The following KNDC1 variants were observed in gnomAD, a reference collection of about 807,000 sequenced individuals.
KNDC1 encodes the protein kinase non-catalytic C-lobe domain-containing protein 1.
A neutral mutation model predicts 172.8 loss-of-function variants in KNDC1; 106 were observed. That is an observed-to-expected ratio of 0.61 (90% confidence interval 0.52 to 0.72). KNDC1 has a LOEUF of 0.72. KNDC1 is among the 30% of genes least tolerant of loss of function. The pLI is 0.00. For missense variants in KNDC1, 2,325 were observed against 2,394.5 expected, an observed-to-expected ratio of 0.97 and a Z score of 0.61; for synonymous variants, 1,083 against 1,062.2, an observed-to-expected ratio of 1.02 and a Z score of -0.38.
chr10:133,183,292 G>A (rs922370891), intron 3 of KNDC1, 52 bp from the exon 4 acceptor site: 26 of 1,510,468 alleles, frequency 1.7e-5, no homozygotes, highest in Middle Eastern at 2.3e-4. Context: ...GGCCGCGGTC[G>A]GGGTGGCGCA....
In KNDC1 at chr10:133,212,910, G is replaced by A. The variant is rs747518684; in HGVS notation, c.4431G>A (p.Thr1477=). ...CTCACCAGCTCTTCAGCCAGCTCAC[G>A]CTGCTACAGCAGGTGAGGAGGGCGA... ...YSTHQLFSQL[T]LLQQELFQKC... The change falls in exon 24 of 30, where the codon ACG becomes ACA. Residue 1477 remains threonine, a synonymous_variant. Transcript: ENST00000304613. 3.8e-5 allele frequency: 62 copies of A among 1,611,666 alleles called. No homozygotes were observed. Among genetic ancestry groups the A allele is most frequent in the African/African-American group, 9.3e-5 (7 of 74,906 alleles).
chr10:133,211,898 G>A (rs201069006), intron 23 of KNDC1, 40 bp downstream of exon 23: 26 of 1,565,262 alleles, frequency 1.7e-5, no homozygotes, highest in South Asian at 9.4e-5. Flanking sequence ...CTGGACAGGC[G>A]GATGTGGGTC....
intron 17 of KNDC1, among the ~76,000 whole-genome samples, chr10:133,202,861 G>A (rs951496284): frequency 6.6e-6 from 1 of 152,226 alleles, no homozygotes; most frequent in Admixed American, 6.5e-5. Flanking sequence ...CCCCACACAG[G>A]GCCTGAGGGG....
intron 3 of KNDC1, among the ~76,000 whole-genome samples, chr10:133,170,394 G>T (rs1009398954): frequency 2.4e-4 from 37 of 151,802 alleles, no homozygotes; most frequent in African/African-American, 8.2e-4. Flanking sequence ...TCTGGCCTGG[G>T]GTCTGGCTCC....
At chr10:133,183,781 C>A in intron 4 of KNDC1, 91 bp from the exon 5 acceptor site, 1 of 1,053,772 alleles carries the variant, frequency 9.5e-7, no homozygotes, top group Non-Finnish European at 1.4e-6. Context: ...GTCCCCAGGT[C>A]ACCTTCAAAG....
chr10:133,212,225 C>T (rs1463231197), intron 23 of KNDC1, among the ~76,000 whole-genome samples: 1 of 151,724 alleles, frequency 6.6e-6, no homozygotes, highest in Non-Finnish European at 1.5e-5. Context: ...TCCACACCTA[C>T]ACGTGTGCAC....
At position 133,204,177 on chromosome 10, in the gene KNDC1, G is replaced by A. The variant is rs1010496307; in HGVS notation, c.3387+2279G>A. Reference sequence around the variant, plus strand: ...CTCAGAAGCCAGGACCAGGTGCCCCGGCAGCAGAACACAGCTCCATGGGGA... The same window carrying A: ...CTCAGAAGCCAGGACCAGGTGCCCCAGCAGCAGAACACAGCTCCATGGGGA... On this transcript the variant is annotated intron_variant, in intron 17 of 29. Coordinates refer to ENST00000304613, the MANE Select transcript of KNDC1 (RefSeq NM_152643.8). 4.6e-5 allele frequency among the ~76,000 whole-genome samples: 7 copies of A among 152,150 alleles called. No individual in the cohort carries two copies. The East Asian group carries it at 1.2e-3, about 25-fold the overall frequency.
chr10:133,163,206 A>T lies in KNDC1; in HGVS notation c.102+2637A>T, dbSNP rs1853033133. ...TGCTGGCTGCCCCATGGGAATTCAG[A>T]TGAGACGAAGAGGGTGCACCGGTTT... On this transcript the variant is annotated intron_variant, in intron 1 of 29. Transcript: ENST00000304613. The surrounding 1 kb of genome is among the most constrained non-coding windows in gnomAD (Gnocchi z 4.4). Among the ~76,000 whole-genome samples the T allele has an allele frequency of 6.6e-6, 1 of 152,170 alleles. No individual in the cohort carries two copies. Among genetic ancestry groups the T allele is most frequent in the South Asian group, 2.1e-4 (1 of 4,822 alleles).
At chr10:133,218,556 T>A (rs1453494180) in intron 26 of KNDC1, among the ~76,000 whole-genome samples, 2 of 152,238 alleles carry the variant, frequency 1.3e-5, no homozygotes, top group Non-Finnish European at 2.9e-5. Context: ...ACAATCTTGC[T>A]TTTGAGAAGT....
chr10:133,220,021 CCCTCGGCCCA>C lies in KNDC1; in HGVS notation c.4932_4941del (p.Ala1645TrpfsTer15). On this transcript the variant is annotated frameshift_variant, in exon 29 of 30. Coordinates refer to ENST00000304613, the MANE Select transcript of KNDC1 (RefSeq NM_152643.8). LOFTEE classifies it high-confidence loss of function. ...GCGCTTCCGGGCGCAGCCCACCCTG[CCCTCGGCCCA>C]CCTCCTGGCCATGCACATCCAGCAG... 1 of 1,554,992 alleles carries C rather than the reference CCCTCGGCCCA, an allele frequency of 6.4e-7. No homozygotes were observed. The highest frequency in any genetic ancestry group is 8.7e-7 in the Non-Finnish European group (1 of 1,149,172).
At chr10:133,161,939 C>G (rs1852986584) in intron 1 of KNDC1, among the ~76,000 whole-genome samples, 1 of 152,140 alleles carries the variant, frequency 6.6e-6, no homozygotes, top group African/African-American at 2.4e-5. Flanking sequence ...CGCGAGCCCA[C>G]TTGGAGCCAC....
intron 23 of KNDC1, among the ~76,000 whole-genome samples, chr10:133,212,241 C>T (rs555617765): frequency 1.1e-4 from 16 of 151,586 alleles, no homozygotes; most frequent in Non-Finnish European, 1.9e-4. Flanking sequence ...TGCACCCTCA[C>T]GCAATCCACA....
At chr10:133,219,302 G>T (rs1845532720) in intron 28 of KNDC1, among the ~76,000 whole-genome samples, 1 of 152,258 alleles carries the variant, frequency 6.6e-6, no homozygotes, top group East Asian at 1.9e-4. Context: ...TCGGTCCCGG[G>T]GCCTTGCTGG....
At chr10:133,208,311 CCCAACCCCG>C (rs1487555097) in intron 20 of KNDC1, among the ~76,000 whole-genome samples, 1 of 58,374 alleles carries the variant, frequency 1.7e-5, no homozygotes, top group Non-Finnish European at 4.0e-5. Context: ...GACGTGGCCC[CCCAACCCCG>C]TTACCCCAAG....
intron 1 of KNDC1, among the ~76,000 whole-genome samples, chr10:133,166,266 A>G (rs1218639306): frequency 6.6e-6 from 1 of 152,114 alleles, no homozygotes; most frequent in East Asian, 1.9e-4. Context: ...CACGGGCCCC[A>G]CCCATAGTGT....
chr10:133,180,344 G>A (rs771081627), intron 3 of KNDC1, among the ~76,000 whole-genome samples: 19 of 152,302 alleles, frequency 1.2e-4, no homozygotes, highest in African/African-American at 1.9e-4. Flanking sequence ...GGCCGACTGC[G>A]TCCTCTGGGC....
chr10:133,182,399 G>C (rs1413754379), intron 3 of KNDC1, among the ~76,000 whole-genome samples: 1 of 152,222 alleles, frequency 6.6e-6, no homozygotes, highest in African/African-American at 2.4e-5. Flanking sequence ...CTGGACTAGA[G>C]TGGACACTTG....
At chr10:133,184,903 G>A (rs569157668) in intron 5 of KNDC1, among the ~76,000 whole-genome samples, 2 of 152,402 alleles carry the variant, frequency 1.3e-5, no homozygotes, top group East Asian at 1.9e-4. Context: ...CACCAGGAGC[G>A]CCAGGTGGGT....
At chr10:133,181,092 G>A (rs1225598262) in intron 3 of KNDC1, among the ~76,000 whole-genome samples, 1 of 152,086 alleles carries the variant, frequency 6.6e-6, no homozygotes, top group Non-Finnish European at 1.5e-5. Flanking sequence ...GGCACCCACT[G>A]ACGTCACACG....
Sources: gnomAD v4.1 joint callset for allele counts (sites outside exome capture counted in the v4.1 genomes callset) on GRCh38, gnomAD v4.1.1 for gene constraint, Gnocchi (gnomAD v3.1) non-coding constraint, MANE v1.5 for transcripts, NCBI Gene and HGNC (gene_info 2026-07-23, HGNC 2026-07-21) for gene names.